The following CACNB4 variants were observed in gnomAD, a reference collection of about 807,000 sequenced individuals.
CACNB4 encodes voltage-dependent L-type calcium channel subunit beta-4.
CACNB4 carries 32 observed loss-of-function variants against 71.2 expected under a neutral mutation model. The observed-to-expected ratio is 0.45, with a 90% confidence interval of 0.34 to 0.60. CACNB4 has a LOEUF of 0.60. CACNB4 is among the 20% of genes least tolerant of loss of function. CACNB4 has a pLI of 0.01. For missense variants in CACNB4, 464 were observed against 647.9 expected (o/e 0.72, Z 3.08); for synonymous variants, 231 against 236.9 (o/e 0.97, Z 0.23).
chr2:151,970,864 T>C (rs1186950530), intron 2 of CACNB4: 1 of 152,318 alleles, frequency 6.6e-6, no homozygotes, highest in Non-Finnish European at 1.5e-5. Flanking sequence ...TTGCACTTCC[T>C]TGTAATCCAG....
At chr2:152,036,189 A>G (rs1684583088) in intron 2 of CACNB4, among the ~76,000 whole-genome samples, 1 of 152,220 alleles carries the variant, frequency 6.6e-6, no homozygotes, top group South Asian at 2.1e-4. Context: ...TGTTCAATGG[A>G]TATAGAATTT....
intron 2 of CACNB4, among the ~76,000 whole-genome samples, chr2:152,005,281 T>C (rs1682657862): frequency 6.6e-6 from 1 of 152,092 alleles, no homozygotes; most frequent in Non-Finnish European, 1.5e-5. Flanking sequence ...TACATGCCCA[T>C]CAGTGGTGGA....
At chr2:151,957,648 T>G (rs1169017757) in intron 2 of CACNB4, among the ~76,000 whole-genome samples, 1 of 152,184 alleles carries the variant, frequency 6.6e-6, no homozygotes, top group Non-Finnish European at 1.5e-5. Context: ...AGAATTTACA[T>G]GAAAGTGATT....
chr2:152,058,396 A>C (rs1685835802), intron 2 of CACNB4, among the ~76,000 whole-genome samples: 1 of 152,218 alleles, frequency 6.6e-6, no homozygotes, highest in African/African-American at 2.4e-5. Context: ...AAAGATTTGA[A>C]ACTTCCTAGA....
intron 2 of CACNB4, among the ~76,000 whole-genome samples, chr2:151,888,564 C>CA (rs1310190818): frequency 4.6e-5 from 7 of 151,918 alleles, no homozygotes; most frequent in Non-Finnish European, 1.0e-4. Flanking sequence ...GACCCTGTCT[C>CA]AAAAAAATAA....
chr2:151,839,450 A>C, intron 13 of CACNB4, 71 bp from the exon 14 acceptor site: 2 of 1,207,396 alleles, frequency 1.7e-6, no homozygotes, highest in Non-Finnish European at 2.4e-6. Flanking sequence ...AATGTATGTA[A>C]AATCATAGGA....
At chr2:152,034,668 T>C (rs1684464183) in intron 2 of CACNB4, among the ~76,000 whole-genome samples, 1 of 152,222 alleles carries the variant, frequency 6.6e-6, no homozygotes, top group African/African-American at 2.4e-5. Flanking sequence ...CTCTAGATGT[T>C]TGTAATCCTG....
At chr2:152,038,686 A>C (rs984838241) in intron 2 of CACNB4, among the ~76,000 whole-genome samples, 1 of 152,226 alleles carries the variant, frequency 6.6e-6, no homozygotes, top group Non-Finnish European at 1.5e-5. Flanking sequence ...GACAGGCTGC[A>C]AACTCAGCCA....
At chr2:151,968,768 C>T (rs2099871785) in intron 2 of CACNB4, 1 of 152,132 alleles carries the variant, frequency 6.6e-6, no homozygotes, top group Non-Finnish European at 1.5e-5. Context: ...ATTCTAAAAT[C>T]CTGGATTGAC....
intron 4 of CACNB4, among the ~76,000 whole-genome samples, chr2:151,878,042 T>A (rs2099846884): frequency 6.6e-6 from 1 of 152,202 alleles, no homozygotes; most frequent in African/African-American, 2.4e-5. Flanking sequence ...TCTAAAAACT[T>A]CCTTTACTGT....
Position 152,098,574 on chromosome 2 carries a change from C to A in CACNB4, c.64-161G>T. Reference sequence around the variant, plus strand: ...CGACTCCCAAATACAGCCCCCACCCCCACCCACCCACTGCAAGCCTCGACT... The same window carrying A: ...CGACTCCCAAATACAGCCCCCACCCACACCCACCCACTGCAAGCCTCGACT... On this transcript the variant is annotated intron_variant, in intron 1 of 13. Coordinates refer to ENST00000539935, the MANE Select transcript of CACNB4 (RefSeq NM_000726.5). This position sits in a 1 kb window ranked among gnomAD's most constrained non-coding sequence, Gnocchi z 5.3. 1.2e-6 allele frequency: 1 copy of A among 867,306 alleles called. No individual in the cohort carries two copies. Among genetic ancestry groups the A allele is most frequent in the South Asian group, 1.4e-5 (1 of 70,680 alleles). The allele number at this position is 867,306 out of a possible 1,614,324, so 53.7% of individuals were successfully genotyped here.
At chr2:151,946,945 T>G (rs889774685) in intron 2 of CACNB4, among the ~76,000 whole-genome samples, 1 of 152,090 alleles carries the variant, frequency 6.6e-6, no homozygotes, top group Admixed American at 6.5e-5. Context: ...AAAATCTGAG[T>G]AAATTCTGGT....
intron 2 of CACNB4, among the ~76,000 whole-genome samples, chr2:152,008,799 G>A (rs1682880513): frequency 6.6e-6 from 1 of 152,106 alleles, no homozygotes; most frequent in Non-Finnish European, 1.5e-5. Context: ...GAGCTTGTTG[G>A]GAATGCAAAA....
At chr2:152,039,029 C>T (rs983378861) in intron 2 of CACNB4, among the ~76,000 whole-genome samples, 2 of 152,144 alleles carry the variant, frequency 1.3e-5, no homozygotes, top group African/African-American at 2.4e-5. Flanking sequence ...GATAATTAAA[C>T]AGCATTTAAA....
intron 2 of CACNB4, among the ~76,000 whole-genome samples, chr2:151,917,188 G>C (rs140529067): frequency 6.6e-5 from 10 of 152,196 alleles, no homozygotes; most frequent in African/African-American, 2.2e-4. Context: ...ACTGAGTTTG[G>C]GTCATATGCC....
intron 2 of CACNB4, among the ~76,000 whole-genome samples, chr2:152,051,389 C>T (rs1470617534): frequency 6.6e-6 from 1 of 152,108 alleles, no homozygotes; most frequent in African/African-American, 2.4e-5. Context: ...ATTTTAATTA[C>T]CCCAAAGAGA....
intron 2 of CACNB4, among the ~76,000 whole-genome samples, chr2:152,088,699 T>C (rs541692827): frequency 3.3e-5 from 5 of 152,244 alleles, no homozygotes; most frequent in Admixed American, 6.5e-5. Context: ...GAATAAGTTT[T>C]ACAGCCCTTA....
chr2:151,989,972 C>T (rs759817906), intron 2 of CACNB4, among the ~76,000 whole-genome samples: 13 of 152,054 alleles, frequency 8.5e-5, no homozygotes, highest in Non-Finnish European at 1.3e-4. Flanking sequence ...TTTTTTCAGT[C>T]TCTACAGTTG....
intron 4 of CACNB4, among the ~76,000 whole-genome samples, chr2:151,877,551 T>C (rs953948456): frequency 6.6e-6 from 1 of 152,182 alleles, no homozygotes; most frequent in Non-Finnish European, 1.5e-5. Flanking sequence ...CATTTAATAG[T>C]CCATAATTTG....
Sources: gnomAD v4.1 joint callset for allele counts (sites outside exome capture counted in the v4.1 genomes callset) on GRCh38, gnomAD v4.1.1 for gene constraint, Gnocchi (gnomAD v3.1) non-coding constraint, MANE v1.5 for transcripts, NCBI Gene and HGNC (gene_info 2026-07-23, HGNC 2026-07-21) for gene names.